The following APOLD1 variants were observed in gnomAD, a reference collection of about 807,000 sequenced individuals.
APOLD1 encodes apolipoprotein L domain containing 1, also known as apolipoprotein L domain-containing protein 1.
Under a neutral mutation model 15.3 loss-of-function variants are expected in APOLD1, and 22 were observed. The observed-to-expected ratio is 1.44, with a 90% CI of 1.03 to 2.05. The LOEUF (loss-of-function observed/expected upper bound fraction) is 2.05, where lower values mean the gene tolerates loss of function less well. Ranked by LOEUF, APOLD1 falls within the 30% of genes most tolerant of loss-of-function variation. APOLD1 has a pLI of 0.00. For synonymous variants in APOLD1, 190 were observed against 167.4 expected, an observed-to-expected ratio of 1.13 and a Z score of -1.04; for missense variants, 394 against 353.5, an observed-to-expected ratio of 1.11 and a Z score of -0.92.
intron 1 of APOLD1, among the ~76,000 whole-genome samples, chr12:12,742,699 G>A (rs974859149): frequency 6.6e-6 from 1 of 151,084 alleles, no homozygotes; most frequent in Non-Finnish European, 1.5e-5. Flanking sequence ...GGGAGGCGGA[G>A]GTTCCAGTGA....
chr12:12,746,146 G>A (rs1289541176), intron 1 of APOLD1, among the ~76,000 whole-genome samples: 1 of 152,102 alleles, frequency 6.6e-6, no homozygotes, highest in Non-Finnish European at 1.5e-5. Flanking sequence ...AAGGGTGGTG[G>A]GAATCCAAGA....
intron 1 of APOLD1, among the ~76,000 whole-genome samples, chr12:12,772,957 C>G (rs896287090): frequency 6.6e-6 from 1 of 152,012 alleles, no homozygotes; most frequent in African/African-American, 2.4e-5. Flanking sequence ...GTGGTGCACT[C>G]CTGTAGTGCT....
chr12:12,786,556 CTCAGTACTGGAGAAGCCT>C, intron 1 of APOLD1: 1 of 611,038 alleles, frequency 1.6e-6, no homozygotes, highest in Non-Finnish European at 2.0e-6. Flanking sequence ...GAGCAAAGGC[CTCAGTACTGGAGAAGCCT>C]TCTAATACCA....
chr12:12,785,437 G>T (rs1052951308), upstream of APOLD1, among the ~76,000 whole-genome samples: 4 of 152,272 alleles, frequency 2.6e-5, no homozygotes, highest in Admixed American at 6.5e-5. Context: ...AGAGCCTGTG[G>T]TTCTCTTCCT....
At chr12:12,786,573 C>T in intron 1 of APOLD1, 2 of 826,100 alleles carry the variant, frequency 2.4e-6, no homozygotes, top group Non-Finnish European at 2.9e-6. Flanking sequence ...CTGGAGAAGC[C>T]TTCTAATACC....
At chr12:12,767,100 G>A (rs1015425786) in intron 1 of APOLD1, among the ~76,000 whole-genome samples, 2 of 151,720 alleles carry the variant, frequency 1.3e-5, no homozygotes, top group African/African-American at 4.8e-5. Context: ...ACAAAAATCA[G>A]CCGGGTGTGG....
chr12:12,754,970 C>T (rs1277536531), intron 1 of APOLD1, among the ~76,000 whole-genome samples: 1 of 151,814 alleles, frequency 6.6e-6, no homozygotes, highest in African/African-American at 2.4e-5. Context: ...TCGTTTGAGC[C>T]CAGGAGTTCA....
chr12:12,784,894 T>C (rs1449390208), upstream of APOLD1, among the ~76,000 whole-genome samples: 1 of 152,216 alleles, frequency 6.6e-6, no homozygotes, highest in East Asian at 1.9e-4. Flanking sequence ...GTAGACAGAA[T>C]CCACTCATTT....
chr12:12,753,948 CT>C (rs950923509), intron 1 of APOLD1, among the ~76,000 whole-genome samples: 2 of 149,304 alleles, frequency 1.3e-5, no homozygotes, highest in African/African-American at 4.9e-5. Context: ...GGTGTGGTGG[CT>C]CATGCCTGTA....
intron 1 of APOLD1, among the ~76,000 whole-genome samples, chr12:12,786,468 C>T (rs1947125237): frequency 6.6e-6 from 1 of 151,988 alleles, no homozygotes; most frequent in Admixed American, 6.6e-5. Context: ...TTGCAAAACT[C>T]CTAGGATCCA....
intron 1 of APOLD1, among the ~76,000 whole-genome samples, chr12:12,763,514 T>G (rs1018581106): frequency 3.3e-5 from 5 of 150,274 alleles, no homozygotes; most frequent in African/African-American, 7.4e-5. Flanking sequence ...ATATTGTGTG[T>G]GGGGGGGGGG....
intron 1 of APOLD1, among the ~76,000 whole-genome samples, chr12:12,769,522 T>C (rs1018017424): frequency 1.3e-5 from 2 of 152,146 alleles, no homozygotes; most frequent in South Asian, 4.1e-4. Context: ...CCCACACTTT[T>C]GTAGTTTTAC....
At chr12:12,764,672 A>G in intron 1 of APOLD1, 1 of 497,814 alleles carries the variant, frequency 2.0e-6, no homozygotes, top group Admixed American at 2.0e-5. Flanking sequence ...CCAAGTGTGA[A>G]GGGACCCTTC....
At chr12:12,733,637 C>T (rs1415557548) in intron 1 of APOLD1, among the ~76,000 whole-genome samples, 3 of 152,096 alleles carry the variant, frequency 2.0e-5, no homozygotes, top group Non-Finnish European at 2.9e-5. Flanking sequence ...GAGTTTCGCT[C>T]TGTTGCCGAG....
At chr12:12,781,764 T>G (rs868604251), upstream of APOLD1, among the ~76,000 whole-genome samples, 2 of 151,068 alleles carry the variant, frequency 1.3e-5, no homozygotes, top group Non-Finnish European at 1.5e-5. Flanking sequence ...CCTGACCTCA[T>G]GATCTGCCTG....
intron 1 of APOLD1, among the ~76,000 whole-genome samples, chr12:12,774,569 A>G (rs1592306427): frequency 2.5e-5 from 3 of 121,394 alleles, no homozygotes; most frequent in East Asian, 5.2e-4. Context: ...AAAAAAAAAA[A>G]AAAAAGAAAG....
intron 1 of APOLD1, among the ~76,000 whole-genome samples, chr12:12,738,202 C>CTTT (rs71436733): frequency 0.017 from 2,002 of 117,528 alleles, 55 homozygotes; most frequent in East Asian, 0.022. Context: ...CAAGCAAGTC[C>CTTT]TTTTTTTTTT....
chr12:12,725,968 C>T, exon 1 of APOLD1: 2 of 1,443,668 alleles, frequency 1.4e-6, no homozygotes, highest in African/African-American at 1.5e-5. Flanking sequence ...TGCAGCTTCG[C>T]GGGGACAGAG....
rs183453135 is a variant in APOLD1 at position 12,739,242 on chromosome 12, G to A, written c.96+13146G>A. Among the ~76,000 whole-genome samples, 190 of 152,284 alleles carry A rather than the reference G, an allele frequency of 1.2e-3. 3 individuals are homozygous for A. The highest frequency in any genetic ancestry group is 4.2e-3 in the African/African-American group (175 of 41,554). ...CCTCTGCTAAACTCCTATTTTTACC[G>A]TGGTTATTTAAATATGTGGTTATTG... On this transcript the variant is annotated intron_variant, in intron 1 of 1. Transcript: ENST00000326765.
Sources: gnomAD v4.1 joint callset for allele counts (sites outside exome capture counted in the v4.1 genomes callset) on GRCh38, gnomAD v4.1.1 for gene constraint, MANE v1.5 for transcripts, NCBI Gene and HGNC (gene_info 2026-07-23, HGNC 2026-07-21) for gene names.